Variants in RALYL observed in about 807,000 individuals in gnomAD.
RALYL encodes RNA-binding Raly-like protein.
Under a neutral mutation model 35.1 loss-of-function variants are expected in RALYL, and 29 were observed. The observed-to-expected ratio is 0.83, with a 90% CI of 0.61 to 1.13. The LOEUF (loss-of-function observed/expected upper bound fraction) is 1.13. Among genes scored for constraint, RALYL ranks in the 50% most tolerant of loss-of-function variants. The pLI is 0.00. For missense variants in RALYL, 359 were observed against 360.4 expected (o/e 1.00, Z 0.03); for synonymous variants, 120 against 127.6 (o/e 0.94, Z 0.40).
At chr8:84,279,413 A>G (rs557446476) in intron 1 of RALYL, among the ~76,000 whole-genome samples, 1 of 152,200 alleles carries the variant, frequency 6.6e-6, no homozygotes, top group Non-Finnish European at 1.5e-5. Context: ...TCAAAATTGG[A>G]CAGATATATT....
intron 1 of RALYL, among the ~76,000 whole-genome samples, chr8:84,272,749 A>G (rs1184736708): frequency 6.6e-6 from 1 of 152,160 alleles, no homozygotes; most frequent in African/African-American, 2.4e-5. Flanking sequence ...AATGGCTCAT[A>G]AAATACATAA....
intron 4 of RALYL, among the ~76,000 whole-genome samples, chr8:84,831,979 C>A (rs1262291082): frequency 6.6e-6 from 1 of 151,914 alleles, no homozygotes; most frequent in Non-Finnish European, 1.5e-5. Flanking sequence ...GGAAAATGGG[C>A]AATGCAGAAA....
chr8:84,525,345 T>A (rs1382478407), intron 1 of RALYL, among the ~76,000 whole-genome samples: 1 of 152,198 alleles, frequency 6.6e-6, no homozygotes, highest in Non-Finnish European at 1.5e-5. Context: ...AACATTTCTT[T>A]GACTGTTATA....
chr8:84,859,006 C>T (rs1031187880), intron 5 of RALYL, among the ~76,000 whole-genome samples: 5 of 152,036 alleles, frequency 3.3e-5, no homozygotes, highest in Non-Finnish European at 1.5e-5. Flanking sequence ...AATAATTGGG[C>T]AAAACGCACA....
chr8:84,209,574 C>T (rs1280776336), intron 1 of RALYL, among the ~76,000 whole-genome samples: 1 of 152,038 alleles, frequency 6.6e-6, no homozygotes, highest in Non-Finnish European at 1.5e-5. Context: ...AACTCAGTGG[C>T]CCTTATGCCA....
At chr8:84,677,378 G>T in intron 2 of RALYL, among the ~76,000 whole-genome samples, 1 of 152,138 alleles carries the variant, frequency 6.6e-6, no homozygotes, top group Admixed American at 6.5e-5. Flanking sequence ...AATATAAACA[G>T]TTAAACCTGG....
At chr8:84,335,013 C>G (rs1847503959) in intron 1 of RALYL, among the ~76,000 whole-genome samples, 1 of 152,146 alleles carries the variant, frequency 6.6e-6, no homozygotes, top group Non-Finnish European at 1.5e-5. Flanking sequence ...TCCTTCCCCT[C>G]ACTGCTGTTT....
chr8:84,821,582 C>T (rs1474199908), intron 4 of RALYL, among the ~76,000 whole-genome samples: 1 of 152,174 alleles, frequency 6.6e-6, no homozygotes, highest in Non-Finnish European at 1.5e-5. Flanking sequence ...GTTTTAAAGC[C>T]TCACTTCCCA....
intron 1 of RALYL, among the ~76,000 whole-genome samples, chr8:84,367,331 T>G (rs1563800083): frequency 8.3e-4 from 21 of 25,210 alleles, no homozygotes; most frequent in African/African-American, 5.4e-3. Flanking sequence ...TTTTTTTTTT[T>G]TTTTTTTTTT....
chr8:84,270,990 G>A (rs952299397), intron 1 of RALYL, among the ~76,000 whole-genome samples: 5 of 151,780 alleles, frequency 3.3e-5, no homozygotes, highest in African/African-American at 9.7e-5. Context: ...AAAACGTAGA[G>A]AATATTTGTA....
chr8:84,214,844 TTG>T (rs1408301464), intron 1 of RALYL, among the ~76,000 whole-genome samples: 2 of 152,094 alleles, frequency 1.3e-5, no homozygotes, highest in Admixed American at 1.3e-4. Flanking sequence ...TTGGATTTTT[TTG>T]TGTGTTACAT....
chr8:84,289,676 T>C (rs914065491), intron 1 of RALYL, among the ~76,000 whole-genome samples: 2 of 152,220 alleles, frequency 1.3e-5, no homozygotes, highest in Non-Finnish European at 2.9e-5. Flanking sequence ...GAATGAAATA[T>C]CTCACTTCCA....
intron 1 of RALYL, among the ~76,000 whole-genome samples, chr8:84,266,829 G>A (rs1420205084): frequency 2.0e-5 from 3 of 151,866 alleles, no homozygotes; most frequent in Non-Finnish European, 4.4e-5. Context: ...GCGTGGTAGC[G>A]GGCGCCTGTA....
intron 1 of RALYL, among the ~76,000 whole-genome samples, chr8:84,228,010 C>T (rs7828432): frequency 0.15 from 22,291 of 151,896 alleles, 1,786 homozygotes; most frequent in African/African-American, 0.2. Context: ...CAGATAGCTA[C>T]ATTACACAAT....
At chr8:84,424,868 C>T (rs2046161834) in intron 1 of RALYL, among the ~76,000 whole-genome samples, 1 of 151,824 alleles carries the variant, frequency 6.6e-6, no homozygotes, top group South Asian at 2.1e-4. Flanking sequence ...GCTCGGGGGT[C>T]AGGGGTCAGG....
chr8:84,530,517 T>A (rs1231904144), intron 2 of RALYL, among the ~76,000 whole-genome samples: 1 of 151,992 alleles, frequency 6.6e-6, no homozygotes, highest in Admixed American at 6.6e-5. Flanking sequence ...GATTCTTAAC[T>A]TCCCCCATCA....
intron 1 of RALYL, among the ~76,000 whole-genome samples, chr8:84,353,172 T>C (rs1375271828): frequency 6.7e-6 from 1 of 150,050 alleles, no homozygotes; most frequent in Non-Finnish European, 1.5e-5. Context: ...TCAACATATG[T>C]TTATTGAGCA....
At chr8:84,385,806 C>T (rs1040226922) in intron 1 of RALYL, among the ~76,000 whole-genome samples, 2 of 151,876 alleles carry the variant, frequency 1.3e-5, no homozygotes, top group South Asian at 4.1e-4. Flanking sequence ...GTAAACTGAT[C>T]TGTGGCTGGC....
At chr8:84,463,814 G>T (rs1263630977) in intron 1 of RALYL, among the ~76,000 whole-genome samples, 2 of 151,892 alleles carry the variant, frequency 1.3e-5, no homozygotes, top group South Asian at 4.2e-4. Flanking sequence ...CCATTCTATT[G>T]ATTTTAACAG....
Sources: allele counts gnomAD v4.1 joint callset (sites outside exome capture counted in the v4.1 genomes callset), GRCh38; gene constraint gnomAD v4.1.1; transcripts MANE v1.5; gene names NCBI Gene and HGNC (gene_info 2026-07-23, HGNC 2026-07-21).